SYTL2: variants seen among roughly 807,000 people sequenced by gnomAD.
The protein encoded by SYTL2 is synaptotagmin like 2, also known as synaptotagmin-like protein 2.
Under a neutral mutation model 198.7 loss-of-function variants are expected in SYTL2, and 165 were observed. The ratio of observed to expected loss-of-function variants is 0.83; its 90% CI spans 0.73 to 0.94. SYTL2 has a LOEUF of 0.94. Among genes scored for constraint, SYTL2 ranks in the 40% least tolerant of loss-of-function variants. The pLI is 0.00. For synonymous variants in SYTL2, 966 were observed against 917.7 expected, an observed-to-expected ratio of 1.05 and a Z score of -0.95; for missense variants, 2,835 against 2,582.8, an observed-to-expected ratio of 1.10 and a Z score of -2.12.
chr11:85,716,439 G>A (rs1307799890), intron 11 of SYTL2: 4 of 152,130 alleles, frequency 2.6e-5, no homozygotes, highest in Non-Finnish European at 4.4e-5. Context: ...CTGCTGGCAG[G>A]AGGACCTCAT....
intron 7 of SYTL2, among the ~76,000 whole-genome samples, chr11:85,729,128 C>T (rs193264041): frequency 1.4e-4 from 22 of 152,292 alleles, no homozygotes; most frequent in Admixed American, 1.4e-3. Context: ...TAGACTCCCA[C>T]ACAGTAATAG....
intron 4 of SYTL2, among the ~76,000 whole-genome samples, chr11:85,738,547 CA>C (rs1261298333): frequency 2.0e-5 from 3 of 152,082 alleles, no homozygotes; most frequent in African/African-American, 4.8e-5. Context: ...TAGGTGTGCA[CA>C]AACTTGAATC....
In SYTL2 at chr11:85,704,854, T is replaced by A; in HGVS notation, c.6189+4A>T. On this transcript the variant is annotated splice_donor_region_variant and intron_variant, in intron 16 of 19. Transcript: ENST00000359152. ...AATAAACAAACAAAAAATTCCGGAC[T>A]CACCTTCCGCTTCAGAGGGTACCAT... 1 of 1,610,624 alleles carries A rather than the reference T, an allele frequency of 6.2e-7. No individual in the cohort carries two copies. Among genetic ancestry groups the A allele is most frequent in the Non-Finnish European group, 8.5e-7 (1 of 1,177,888 alleles).
chr11:85,833,362 ATGAGATATATGATATATC>A, the SYTL2 span, among the ~76,000 whole-genome samples: 1 of 147,744 alleles, frequency 6.8e-6, no homozygotes, highest in Non-Finnish European at 1.5e-5. Context: ...CGATATATAT[ATGAGATATATGATATATC>A]TCATATATAT....
At chr11:85,700,484 A>G in intron 17 of SYTL2, 31 bp downstream of exon 17, 1 of 1,536,878 alleles carries the variant, frequency 6.5e-7, no homozygotes, top group Non-Finnish European at 9.0e-7. Flanking sequence ...TAAGGAAAGG[A>G]CATAAATCTG....
chr11:85,766,771 C>G (rs1228091964), intron 1 of SYTL2, among the ~76,000 whole-genome samples: 1 of 152,206 alleles, frequency 6.6e-6, no homozygotes, highest in African/African-American at 2.4e-5. Context: ...TCTCACAGAG[C>G]AGAAAGGCAG....
At chr11:85,745,798 G>T in intron 3 of SYTL2, 26 bp from the exon 4 acceptor site, 2 of 1,595,702 alleles carry the variant, frequency 1.3e-6, no homozygotes, top group Non-Finnish European at 8.6e-7. Flanking sequence ...GTAAAGACAG[G>T]AAGGTTATCT....
intron 1 of SYTL2, among the ~76,000 whole-genome samples, chr11:85,774,280 C>T (rs2092412142): frequency 6.6e-6 from 1 of 152,148 alleles, no homozygotes; most frequent in Admixed American, 6.5e-5. Flanking sequence ...CACCATAAGG[C>T]AAACCAGCAA....
At chr11:85,736,414 T>C (rs1452538953) in intron 6 of SYTL2, 87 bp downstream of exon 6, 22 of 684,046 alleles carry the variant, frequency 3.2e-5, no homozygotes, top group Non-Finnish European at 5.1e-5. Context: ...CTCTTGGAAG[T>C]TATTTGAGCA....
upstream of SYTL2, among the ~76,000 whole-genome samples, chr11:85,815,700 T>C (rs1033042934): frequency 2.0e-5 from 3 of 152,154 alleles, no homozygotes; most frequent in Non-Finnish European, 4.4e-5. Context: ...CAAGGCCAAA[T>C]TGCAAATGAC....
chr11:85,714,272 C>T, intron 12 of SYTL2, 141 bp downstream of exon 12: 1 of 639,012 alleles, frequency 1.6e-6, no homozygotes, highest in Non-Finnish European at 2.7e-6. Flanking sequence ...AACAACACTA[C>T]TTCTATTGAC....
Position 85,737,697 on chromosome 11 carries a change from T to G in SYTL2, c.390-41A>C, listed in dbSNP as rs768008446. ...TAATTCAGAGAATAAAACCTCACCT[T>G]TTGAGGAATCATAAATTATGCCTCT... is the stretch of plus-strand genomic sequence containing the variant. On this transcript the variant is annotated intron_variant, in intron 4 of 19. Transcript: ENST00000359152. The G allele has an allele frequency of 5.2e-6, 8 of 1,540,784 alleles. No individual in the cohort carries two copies. The South Asian group carries it at 9.1e-5, about 17-fold the overall frequency.
At chr11:85,813,575 G>A (rs1264817180), upstream of SYTL2, among the ~76,000 whole-genome samples, 1 of 152,222 alleles carries the variant, frequency 6.6e-6, no homozygotes, top group Admixed American at 6.5e-5. Flanking sequence ...ATAGCATGGT[G>A]TAAGGTTAAA....
chr11:85,821,761 AC>A, the SYTL2 span, among the ~76,000 whole-genome samples: 1 of 152,254 alleles, frequency 6.6e-6, no homozygotes, highest in South Asian at 2.1e-4. Flanking sequence ...TAATGTGCTC[AC>A]AGCAGAGCCA....
chr11:85,780,140 C>G (rs1286608533), intron 1 of SYTL2, among the ~76,000 whole-genome samples: 1 of 152,210 alleles, frequency 6.6e-6, no homozygotes, highest in Admixed American at 6.5e-5. Context: ...CCTCTTATTG[C>G]ATTTCAAAGC....
At chr11:85,740,398 C>CT (rs937716223) in intron 4 of SYTL2, among the ~76,000 whole-genome samples, 5 of 152,140 alleles carry the variant, frequency 3.3e-5, no homozygotes, top group African/African-American at 1.2e-4. Flanking sequence ...ATCAACCTGG[C>CT]TAGGAGTATG....
At chr11:85,798,536 C>A (rs141239390) in intron 1 of SYTL2, among the ~76,000 whole-genome samples, 3 of 152,250 alleles carry the variant, frequency 2.0e-5, no homozygotes, top group East Asian at 3.9e-4. Context: ...CAAGTCCAGT[C>A]CCAGGTTTGA....
chr11:85,852,799 G>A, the SYTL2 span: 19 of 242,606 alleles, frequency 7.8e-5, no homozygotes, highest in East Asian at 5.0e-4. Flanking sequence ...CCGCCACCCC[G>A]TCTGGGAAGT....
Position 85,725,659 on chromosome 11 carries a change from C to A in SYTL2, c.3699G>T (p.Ala1233=). The A allele has an allele frequency of 3.1e-6, 5 of 1,614,004 alleles. No homozygotes were observed. The highest frequency in any genetic ancestry group is 2.7e-5 in the African/African-American group (2 of 75,050). Reference sequence around the variant, plus strand: ...TAGAGTTGGTTCCAGTGATAACAGGCGCCAACTTGGCTTGCAAGGGAGAGG... The same window carrying A: ...TAGAGTTGGTTCCAGTGATAACAGGAGCCAACTTGGCTTGCAAGGGAGAGG... The part of the protein sequence containing the change: ...TSPSPLQAKL[A]PVITGTNSKL... The change falls in exon 8 of 20, where the codon GCG becomes GCT. Residue 1233 remains alanine (A), a synonymous_variant. Transcript: ENST00000359152.
Sources: allele counts gnomAD v4.1 joint callset (sites outside exome capture counted in the v4.1 genomes callset), GRCh38; gene constraint gnomAD v4.1.1; transcripts MANE v1.5; gene names NCBI Gene and HGNC (gene_info 2026-07-23, HGNC 2026-07-21).